The following GSE1 variants were observed in gnomAD, a reference collection of about 807,000 sequenced individuals.
The protein encoded by GSE1 is Gse1 coiled-coil protein, also known as genetic suppressor element 1.
A neutral mutation model predicts 112.6 loss-of-function variants in GSE1; 32 were observed. That is an observed-to-expected ratio of 0.28 (90% CI 0.21 to 0.38). The LOEUF (loss-of-function observed/expected upper bound fraction) is 0.38. GSE1 is among the 10% of genes least tolerant of loss of function. The pLI is 1.00. For missense variants in GSE1, 2,348 were observed against 1,699.2 expected, an observed-to-expected ratio of 1.38 and a Z score of -6.71; for synonymous variants, 1,115 against 735.6, an observed-to-expected ratio of 1.52 and a Z score of -8.35.
At chr16:85,184,470 C>T (rs919766388) in intron 1 of GSE1, among the ~76,000 whole-genome samples, 1 of 152,202 alleles carries the variant, frequency 6.6e-6, no homozygotes, top group African/African-American at 2.4e-5. Context: ...AAGAAGGGGG[C>T]CAGGCACTGG....
chr16:85,244,873 C>T (rs933445618), intron 1 of GSE1, among the ~76,000 whole-genome samples: 2 of 152,032 alleles, frequency 1.3e-5, no homozygotes, highest in African/African-American at 2.4e-5. Context: ...TGCCTGTAGT[C>T]CCAGCTACTC....
intron 1 of GSE1, among the ~76,000 whole-genome samples, chr16:85,297,290 C>G (rs951275064): frequency 1.3e-5 from 2 of 151,508 alleles, no homozygotes; most frequent in African/African-American, 4.9e-5. Context: ...CAGAGGCCTC[C>G]CTCAGGCCCA....
intron 1 of GSE1, among the ~76,000 whole-genome samples, chr16:85,189,038 A>G (rs1377681641): frequency 6.6e-6 from 1 of 152,198 alleles, no homozygotes; most frequent in African/African-American, 2.4e-5. Context: ...TTCCCTGCAC[A>G]CGCTCCAGTG....
chr16:85,428,051 A>G (rs2049032971), intron 2 of GSE1, among the ~76,000 whole-genome samples: 1 of 152,150 alleles, frequency 6.6e-6, no homozygotes, highest in Admixed American at 6.5e-5. Context: ...TGGCTGCTGT[A>G]TTGGACAGGA....
At chr16:85,463,473 A>C (rs2151828808) in intron 2 of GSE1, among the ~76,000 whole-genome samples, 1 of 152,308 alleles carries the variant, frequency 6.6e-6, no homozygotes, top group South Asian at 2.1e-4. Flanking sequence ...GCTCTGCCTT[A>C]GCCTGGCCAT....
At chr16:85,413,059 G>C (rs1056173118) in intron 2 of GSE1, among the ~76,000 whole-genome samples, 7 of 152,208 alleles carry the variant, frequency 4.6e-5, no homozygotes, top group Non-Finnish European at 8.8e-5. Context: ...TGCTGGAGGG[G>C]CCGCCCCACG....
At chr16:85,204,748 C>G (rs965966476) in intron 1 of GSE1, among the ~76,000 whole-genome samples, 1 of 152,246 alleles carries the variant, frequency 6.6e-6, no homozygotes, top group Non-Finnish European at 1.5e-5. Context: ...TCCCCAGCAG[C>G]AAGCTGAGCT....
chr16:85,471,901 T>A (rs886150504), intron 2 of GSE1, among the ~76,000 whole-genome samples: 1 of 152,212 alleles, frequency 6.6e-6, no homozygotes, highest in South Asian at 2.1e-4. Context: ...AAGTGCCCAC[T>A]TGTGGCTGGC....
intron 2 of GSE1, among the ~76,000 whole-genome samples, chr16:85,362,403 C>T (rs1018748458): frequency 6.6e-6 from 1 of 152,158 alleles, no homozygotes; most frequent in African/African-American, 2.4e-5. Context: ...TGTCTGCAGC[C>T]ACCTTGGGAG....
At chr16:85,446,784 C>T (rs767212398) in intron 2 of GSE1, among the ~76,000 whole-genome samples, 23 of 152,118 alleles carry the variant, frequency 1.5e-4, no homozygotes, top group Admixed American at 2.0e-4. Context: ...TTCCTGGGTG[C>T]GTTGGGCAGG....
At chr16:85,426,627 G>A (rs1456881095) in intron 2 of GSE1, among the ~76,000 whole-genome samples, 1 of 149,876 alleles carries the variant, frequency 6.7e-6, no homozygotes, top group African/African-American at 2.5e-5. Context: ...AAGGACAGAT[G>A]TAGGTAGATG....
chr16:85,656,299 G>A, intron 6 of GSE1, 44 bp from the exon 7 acceptor site: 1 of 1,601,580 alleles, frequency 6.2e-7, no homozygotes, highest in Non-Finnish European at 8.5e-7. Flanking sequence ...TCCGTCTCTT[G>A]TTCCTGGTGC....
chr16:85,169,926 C>G (rs1305701410), exon 1 of GSE1: 2 of 984,394 alleles, frequency 2.0e-6, no homozygotes, highest in Admixed American at 1.2e-4. Flanking sequence ...GCGCCGGGGC[C>G]CCCCGCGAGT....
intron 1 of GSE1, among the ~76,000 whole-genome samples, chr16:85,205,184 C>T (rs979789922): frequency 5.9e-5 from 9 of 152,126 alleles, no homozygotes; most frequent in Non-Finnish European, 1.2e-4. Flanking sequence ...GGCTGGAGTA[C>T]AGTGGCATGA....
intron 2 of GSE1, among the ~76,000 whole-genome samples, chr16:85,635,336 AG>A (rs1262233652): frequency 1.3e-5 from 2 of 152,100 alleles, no homozygotes; most frequent in Non-Finnish European, 2.9e-5. Context: ...CTGGCAAACC[AG>A]GCACAGGCAG....
intron 3 of GSE1, among the ~76,000 whole-genome samples, chr16:85,649,928 C>T (rs1451062740): frequency 1.3e-5 from 2 of 152,150 alleles, no homozygotes; most frequent in Non-Finnish European, 2.9e-5. Flanking sequence ...CAGGTGACAG[C>T]CCCCGGGCAG....
chr16:85,523,210 C>T (rs1490768567), intron 2 of GSE1, among the ~76,000 whole-genome samples: 4 of 144,202 alleles, frequency 2.8e-5, no homozygotes, highest in Non-Finnish European at 4.5e-5. Context: ...GCACGTGTGC[C>T]TGTGGCTGTG....
chr16:85,410,981 C>A (rs71183774), intron 2 of GSE1, among the ~76,000 whole-genome samples: 1 of 75,134 alleles, frequency 1.3e-5, no homozygotes, highest in Admixed American at 1.5e-4. Flanking sequence ...ACACTCAGGG[C>A]CCCCCGGATA....
At chr16:85,639,232 C>G (rs980690146) in intron 2 of GSE1, among the ~76,000 whole-genome samples, 1 of 152,226 alleles carries the variant, frequency 6.6e-6, no homozygotes, top group East Asian at 1.9e-4. Context: ...GCAGCTGGGC[C>G]AGCTCCCGCT....
Sources: allele counts gnomAD v4.1 joint callset (sites outside exome capture counted in the v4.1 genomes callset), GRCh38; gene constraint gnomAD v4.1.1; transcripts MANE v1.5; gene names NCBI Gene and HGNC (gene_info 2026-07-23, HGNC 2026-07-21).